Variants in LRFN5 observed in about 807,000 individuals in gnomAD.
LRFN5 encodes the protein leucine-rich repeat and fibronectin type-III domain-containing protein 5.
Under a neutral mutation model 45.6 loss-of-function variants are expected in LRFN5, and 24 were observed. That is an observed-to-expected ratio of 0.53 (90% CI 0.38 to 0.74). The LOEUF (loss-of-function observed/expected upper bound fraction) is 0.74, where lower values mean the gene tolerates loss of function less well. Ranked by LOEUF, LRFN5 falls within the 30% of genes least tolerant of loss-of-function variation. The probability of loss-of-function intolerance (pLI) is 0.00; values close to 1 mark genes in which losing one functional copy is unlikely to be tolerated. For missense variants in LRFN5, 776 were observed against 861.5 expected, an observed-to-expected ratio of 0.90 and a Z score of 1.24; for synonymous variants, 340 against 313.8, an observed-to-expected ratio of 1.08 and a Z score of -0.88.
chr14:41,729,731 A>G (rs569616423), intron 1 of LRFN5, among the ~76,000 whole-genome samples: 53 of 152,220 alleles, frequency 3.5e-4, no homozygotes, highest in African/African-American at 1.3e-3. Flanking sequence ...ATTTTAAAAA[A>G]ATGAAGTTTT....
intron 1 of LRFN5, among the ~76,000 whole-genome samples, chr14:41,693,236 A>G (rs547918286): frequency 1.7e-4 from 26 of 152,212 alleles, no homozygotes; most frequent in African/African-American, 5.8e-4. Context: ...TTGCATTTCA[A>G]TATAACTTAT....
At chr14:41,689,926 A>G (rs1594618709) in intron 1 of LRFN5, among the ~76,000 whole-genome samples, 1 of 148,388 alleles carries the variant, frequency 6.7e-6, no homozygotes, top group South Asian at 2.1e-4. Flanking sequence ...AAAATTACCC[A>G]CCAAAAAGGG....
At chr14:41,722,445 T>C (rs1039319068) in intron 1 of LRFN5, among the ~76,000 whole-genome samples, 1 of 152,120 alleles carries the variant, frequency 6.6e-6, no homozygotes, top group Non-Finnish European at 1.5e-5. Flanking sequence ...TTTTTCATGG[T>C]TCCAGAATTC....
intron 1 of LRFN5, among the ~76,000 whole-genome samples, chr14:41,685,173 G>A (rs1882066383): frequency 1.3e-5 from 2 of 152,104 alleles, no homozygotes; most frequent in African/African-American, 2.4e-5. Flanking sequence ...GTAGAGAGAA[G>A]GGAACCCTCC....
In LRFN5 at chr14:41,755,371, A is replaced by C. The variant is rs1468028408; in HGVS notation, c.-196-11483A>C. 2.0e-4 allele frequency among the ~76,000 whole-genome samples: 31 copies of C among 152,196 alleles called. 2 individuals carry two copies. The highest frequency in any genetic ancestry group is 1.8e-3 in the Admixed American group (28 of 15,282). On this transcript the variant is annotated intron_variant, in intron 1 of 5. Coordinates refer to ENST00000298119, the MANE Select transcript of LRFN5 (RefSeq NM_152447.5). ...TCTGATGTTGACAGTGGGGTGTTAA[A>C]GTCTCCCATTATTATTGTGTGGGAG...
chr14:41,892,869 A>G lies in LRFN5; in HGVS notation c.2098+907A>G, dbSNP rs530584368. Reference sequence around the variant, plus strand: ...TACATGGACATATGAAGATGTTTTCATTCATTTAATACACATTTTTTGAAT... The same window carrying G: ...TACATGGACATATGAAGATGTTTTCGTTCATTTAATACACATTTTTTGAAT... On this transcript the variant is annotated intron_variant, in intron 4 of 5. Transcript: ENST00000298119. 20 of 985,012 alleles carry G rather than the reference A, an allele frequency of 2.0e-5. No homozygotes were observed. In the Middle Eastern group the frequency reaches 1.6e-3, roughly 77 times the overall value. 61.0% of individuals were successfully genotyped at this position (985,012 alleles called of 1,614,324 possible).
intron 1 of LRFN5, among the ~76,000 whole-genome samples, chr14:41,759,739 GTT>G (rs1885577713): frequency 6.6e-6 from 1 of 152,132 alleles, no homozygotes; most frequent in Non-Finnish European, 1.5e-5. Flanking sequence ...TTGACTGATA[GTT>G]TTATATTTTT....
At chr14:41,697,148 C>T (rs1238057349) in intron 1 of LRFN5, among the ~76,000 whole-genome samples, 2 of 151,764 alleles carry the variant, frequency 1.3e-5, no homozygotes, top group Non-Finnish European at 2.9e-5. Flanking sequence ...TTATAGACAT[C>T]GTTATTATTT....
At chr14:41,647,564 G>T (rs1879876178) in intron 1 of LRFN5, among the ~76,000 whole-genome samples, 1 of 152,146 alleles carries the variant, frequency 6.6e-6, no homozygotes, top group Non-Finnish European at 1.5e-5. Context: ...CAGAGAAGTG[G>T]AGGAAGGGGT....
At position 41,891,441 on chromosome 14, in the gene LRFN5, G is replaced by T. The variant is rs754613545; in HGVS notation, c.1577G>T (p.Gly526Val). Residue 526 changes from glycine to valine, a missense_variant, in exon 4 of 6, where the codon GGA (glycine) becomes GTA (valine). By Grantham distance (109) the Gly-to-Val change is moderately radical. This residue lies in a region of LRFN5 where 465 missense variants were observed against 456.4 expected (regional missense o/e 1.02). Coordinates refer to ENST00000298119, the MANE Select transcript of LRFN5 (RefSeq NM_152447.5). ...CATTTCATGCAGTCTCAGTTTTTGG[G>T]AGGCACCATGATTATTATTATTGGT... is the stretch of plus-strand genomic sequence containing the variant. Reference protein sequence around the residue: ...RCHFMQSQFLGGTMIIIIGGI... With the variant: ...RCHFMQSQFLVGTMIIIIGGI... 1 of 1,614,086 alleles carries T rather than the reference G, an allele frequency of 6.2e-7. No individual in the cohort carries two copies. Among genetic ancestry groups the T allele is most frequent in the Non-Finnish European group, 8.5e-7 (1 of 1,180,018 alleles).
chr14:41,735,763 A>T (rs868090486), intron 1 of LRFN5, among the ~76,000 whole-genome samples: 1 of 150,754 alleles, frequency 6.6e-6, no homozygotes, highest in Non-Finnish European at 1.5e-5. Flanking sequence ...CTTGTCCCCC[A>T]CCCCCTGACA....
intron 1 of LRFN5, among the ~76,000 whole-genome samples, chr14:41,645,627 C>A (rs1387213802): frequency 6.6e-6 from 1 of 152,176 alleles, no homozygotes; most frequent in Admixed American, 6.5e-5. Context: ...GCCATTTAAG[C>A]ATTTAAGGTC....
intron 1 of LRFN5, among the ~76,000 whole-genome samples, chr14:41,706,360 A>G (rs1309410316): frequency 6.6e-6 from 1 of 152,156 alleles, no homozygotes; most frequent in Non-Finnish European, 1.5e-5. Flanking sequence ...TCGGCCTCCC[A>G]AAGTGCTGGG....
At chr14:41,827,961 C>T (rs1888353512) in intron 2 of LRFN5, among the ~76,000 whole-genome samples, 1 of 151,994 alleles carries the variant, frequency 6.6e-6, no homozygotes, top group Non-Finnish European at 1.5e-5. Flanking sequence ...TCAACTATTA[C>T]CCTTCAAATT....
At chr14:41,843,782 T>C (rs1462347420) in intron 2 of LRFN5, among the ~76,000 whole-genome samples, 69 of 152,144 alleles carry the variant, frequency 4.5e-4, no homozygotes, top group Admixed American at 4.5e-3. Flanking sequence ...AATCACTTCA[T>C]GAGCATGGAT....
At chr14:41,854,449 A>T (rs1336763179) in intron 2 of LRFN5, among the ~76,000 whole-genome samples, 2 of 152,146 alleles carry the variant, frequency 1.3e-5, no homozygotes, top group South Asian at 2.1e-4. Context: ...AACATGACAC[A>T]TGTATACATA....
chr14:41,654,479 T>C (rs903252685), intron 1 of LRFN5, among the ~76,000 whole-genome samples: 1 of 151,908 alleles, frequency 6.6e-6, no homozygotes, highest in Non-Finnish European at 1.5e-5. Flanking sequence ...AGAAATCACA[T>C]AGTTTGAGTT....
chr14:41,695,893 T>C (rs1882589234), intron 1 of LRFN5, among the ~76,000 whole-genome samples: 1 of 152,016 alleles, frequency 6.6e-6, no homozygotes, highest in Admixed American at 6.6e-5. Flanking sequence ...ATTTAAGAAC[T>C]GTATTTCATA....
chr14:41,624,774 A>G (rs1888264280), intron 1 of LRFN5, among the ~76,000 whole-genome samples: 1 of 152,192 alleles, frequency 6.6e-6, no homozygotes. Context: ...ATGCTTTTTT[A>G]AAATCAGTTT....
Sources: gnomAD v4.1 joint callset for allele counts (sites outside exome capture counted in the v4.1 genomes callset) on GRCh38, gnomAD v4.1.1 for gene constraint, gnomAD v4.1.1 regional missense constraint, MANE v1.5 for transcripts, NCBI Gene and HGNC (gene_info 2026-07-23, HGNC 2026-07-21) for gene names.